The following BOP1 variants were observed in gnomAD, a reference collection of about 807,000 sequenced individuals.
BOP1 encodes the protein BOP1 ribosomal biogenesis factor, also known as ribosome biogenesis protein BOP1.
A neutral mutation model predicts 82.9 loss-of-function variants in BOP1; 54 were observed. That is an observed-to-expected ratio of 0.65 (90% CI 0.52 to 0.82). The LOEUF (loss-of-function observed/expected upper bound fraction) is 0.82, where lower values mean the gene tolerates loss of function less well. BOP1 is among the 40% of genes least tolerant of loss of function. The pLI is 0.00. For missense variants in BOP1, 1,170 were observed against 1,072.0 expected (o/e 1.09, Z -1.28); for synonymous variants, 566 against 451.1 (o/e 1.25, Z -3.23).
chr8:144,262,838 GC>G lies in BOP1; in HGVS notation c.1894+14del, dbSNP rs1446836334. On this transcript the variant is annotated intron_variant, in intron 13 of 15. Coordinates refer to ENST00000569669, the MANE Select transcript of BOP1 (RefSeq NM_015201.5). Reference sequence around the variant, plus strand: ...CCACCCCTCACCTGCAGGGTGCACCGCCCCCACCCCTCACCTGCAGGGTGCA... The same window carrying G: ...CCACCCCTCACCTGCAGGGTGCACCGCCCCACCCCTCACCTGCAGGGTGCA... The G allele has an allele frequency of 3.0e-5, 22 of 728,148 alleles. No individual in the cohort carries two copies. The highest frequency in any genetic ancestry group is 3.9e-5 in the Non-Finnish European group (21 of 535,820). 45.1% of individuals were successfully genotyped at this position (728,148 alleles called of 1,614,324 possible).
At chr8:144,272,483 T>C (rs1845506914) in intron 3 of BOP1, among the ~76,000 whole-genome samples, 1 of 152,056 alleles carries the variant, frequency 6.6e-6, no homozygotes, top group Non-Finnish European at 1.5e-5. Context: ...CCAACAGACC[T>C]TGCCCTCCAA....
At position 144,265,085 on chromosome 8, in the gene BOP1, C is replaced by T. The variant is rs1845329929; in HGVS notation, c.391-14G>A. On this transcript the variant is annotated splice_polypyrimidine_tract_variant and intron_variant, in intron 3 of 15. Transcript: ENST00000569669. ...GTTCCGGATGTCCTGCAGCCGGGGG[C>T]CACCATGTCGGCATCTGATCCTACA... 1.2e-6 allele frequency: 2 copies of T among 1,603,654 alleles called. No homozygotes were observed. Among genetic ancestry groups the T allele is most frequent in the Non-Finnish European group, 1.7e-6 (2 of 1,175,012 alleles).
intron 2 of BOP1, 110 bp downstream of exon 2, chr8:144,288,985 C>G (rs1814959315): frequency 8.1e-7 from 1 of 1,231,446 alleles, no homozygotes; most frequent in Admixed American, 1.8e-5. Flanking sequence ...GGGACGCCGG[C>G]CTTGGGGTTC....
intron 2 of BOP1, among the ~76,000 whole-genome samples, chr8:144,280,939 G>GGTCTTCGGCCTTTTCTCAC (rs1845659841): frequency 9.9e-6 from 1 of 100,668 alleles, no homozygotes; most frequent in Non-Finnish European, 2.0e-5. Flanking sequence ...CCTTCTCTCA[G>GGTCTTCGGCCTTTTCTCAC]TTTAATACCA....
intron 2 of BOP1, among the ~76,000 whole-genome samples, chr8:144,286,669 G>A (rs1301591843): frequency 2.0e-5 from 3 of 152,234 alleles, no homozygotes; most frequent in Non-Finnish European, 4.4e-5. Flanking sequence ...GCCACAACAG[G>A]GCAGGGCCTC....
chr8:144,264,039 T>C lies in BOP1; in HGVS notation c.1082A>G (p.Gln361Arg), dbSNP rs1448907581. 3.7e-6 allele frequency: 6 copies of C among 1,609,694 alleles called. No homozygotes were observed. The African/African-American group carries it at 6.7e-5, about 18-fold the overall frequency. ...GTCAAGGCAGCGCTCGAAGCGTTCC[T>C]GGATGAAGCGTCCGTAGGCAGGCAC... ...RAVPAYGRFI[Q>R]ERFERCLDLY... Residue 361 changes from glutamine (Q) to arginine (R), a missense_variant, in exon 8 of 16, where the codon CAG (glutamine) becomes CGG (arginine). Gln to Arg is a conservative substitution (Grantham distance 43). Coordinates refer to ENST00000569669, the MANE Select transcript of BOP1 (RefSeq NM_015201.5).
At chr8:144,270,322 C>A (rs1367379527) in intron 3 of BOP1, among the ~76,000 whole-genome samples, 3 of 152,102 alleles carry the variant, frequency 2.0e-5, no homozygotes, top group Admixed American at 1.3e-4. Context: ...TCAGAGCCCC[C>A]GTGGACTGGG....
intron 2 of BOP1, among the ~76,000 whole-genome samples, chr8:144,281,106 C>A (rs71515604): frequency 0.03 from 2,405 of 79,462 alleles, 573 homozygotes; most frequent in East Asian, 0.07. Flanking sequence ...ACCAGGTCTT[C>A]GGCCTTCTCT....
chr8:144,282,653 A>G (rs1554839054), intron 2 of BOP1, among the ~76,000 whole-genome samples: 1 of 152,118 alleles, frequency 6.6e-6, no homozygotes, highest in African/African-American at 2.4e-5. Context: ...ACCCCAGGGA[A>G]GGAAGGGGGA....
intron 2 of BOP1, among the ~76,000 whole-genome samples, chr8:144,284,371 G>GAGAA (rs1251976102): frequency 5.1e-4 from 77 of 152,196 alleles, no homozygotes; most frequent in Non-Finnish European, 2.1e-4. Context: ...GTGCACATGT[G>GAGAA]AGAAACAGCA....
chr8:144,263,788 C>G, intron 9 of BOP1, 27 bp from the exon 10 acceptor site: 1 of 1,603,456 alleles, frequency 6.2e-7, no homozygotes, highest in Admixed American at 1.7e-5. Flanking sequence ...AGTGAGGAGT[C>G]AGACTGGGAG....
chr8:144,268,656 T>C (rs1436411601), intron 3 of BOP1, among the ~76,000 whole-genome samples: 2 of 152,054 alleles, frequency 1.3e-5, no homozygotes, highest in Non-Finnish European at 2.9e-5. Flanking sequence ...GCGGTGAGGA[T>C]GGGCTTAGCT....
At position 144,266,537 on chromosome 8, in the gene BOP1, C is replaced by A. The variant is rs1241179700; in HGVS notation, c.391-1466G>T. On this transcript the variant is annotated intron_variant, in intron 3 of 15. Transcript: ENST00000569669. ...GACCCCGCGCCTCGCCCCGGCCGGCCCGCGAGGCCCGCGGCGGCCGCAGGA... is the reference window on the plus strand; with the variant it reads ...GACCCCGCGCCTCGCCCCGGCCGGCACGCGAGGCCCGCGGCGGCCGCAGGA... 1.7e-5 allele frequency: 17 copies of A among 993,808 alleles called. No individual in the cohort carries two copies. In the East Asian group the frequency reaches 1.8e-3, roughly 108 times the overall value. The allele number at this position is 993,808 out of a possible 1,614,324, so 61.6% of individuals were successfully genotyped here.
Position 144,289,083 on chromosome 8 carries a change from T to C in BOP1, c.309+12A>G, listed in dbSNP as rs1322267863. ...GGGGGACAGCCCTCGAGGGGGCTCC[T>C]CGCTCACCCACCTGCACCTGCTCCT... On this transcript the variant is annotated intron_variant, in intron 2 of 15. Transcript: ENST00000569669. 1.9e-6 allele frequency: 3 copies of C among 1,613,804 alleles called. No homozygotes were observed. The highest frequency in any genetic ancestry group is 1.7e-5 in the Admixed American group (1 of 60,000).
Position 144,291,173 on chromosome 8 carries a change from G to A in BOP1, c.99+99C>T, listed in dbSNP as rs1419138120. On this transcript the variant is annotated intron_variant, in intron 1 of 15. Transcript: ENST00000569669. This position sits in a 1 kb window ranked among gnomAD's most constrained non-coding sequence, Gnocchi z 4.1. ...CAAGACCGATTCACTGGGCGCGGGC[G>A]CCCAGGTGACAGAAGCCGGGCCCAC... The A allele has an allele frequency of 2.8e-6, 3 of 1,059,350 alleles. No individual in the cohort carries two copies. The highest frequency in any genetic ancestry group is 2.1e-5 in the South Asian group (1 of 47,848). The allele number at this position is 1,059,350 out of a possible 1,614,324, so 65.6% of individuals were successfully genotyped here.
chr8:144,280,650 C>T (rs782754965), intron 2 of BOP1, among the ~76,000 whole-genome samples: 16 of 152,302 alleles, frequency 1.1e-4, no homozygotes, highest in South Asian at 4.2e-4. Context: ...GTTAAGAGTT[C>T]GAGACCAGAC....
intron 5 of BOP1, 23 bp downstream of exon 5, chr8:144,264,691 A>AG: frequency 6.4e-7 from 1 of 1,565,870 alleles, no homozygotes; most frequent in South Asian, 1.2e-5. Flanking sequence ...CCCGCCGCCC[A>AG]GGGGCCAGCC....
intron 3 of BOP1, among the ~76,000 whole-genome samples, chr8:144,275,705 A>G (rs1319536459): frequency 1.3e-5 from 2 of 152,012 alleles, no homozygotes; most frequent in Admixed American, 1.3e-4. Flanking sequence ...GGGCAGGGGG[A>G]CCCCAGGGGA....
intron 2 of BOP1, among the ~76,000 whole-genome samples, chr8:144,286,992 G>A (rs1198138501): frequency 6.6e-6 from 1 of 152,216 alleles, no homozygotes; most frequent in Admixed American, 6.5e-5. Flanking sequence ...CAAGTACTTG[G>A]ATATGTTATT....
Sources: gnomAD v4.1 joint callset for allele counts (sites outside exome capture counted in the v4.1 genomes callset) on GRCh38, gnomAD v4.1.1 for gene constraint, Gnocchi (gnomAD v3.1) non-coding constraint, MANE v1.5 for transcripts, NCBI Gene and HGNC (gene_info 2026-07-23, HGNC 2026-07-21) for gene names.